Variants in ST18 observed in about 807,000 individuals in gnomAD.
The protein encoded by ST18 is suppression of tumorigenicity 18 protein.
In ST18, 50 loss-of-function variants were observed where a neutral mutation model predicts 110.0. The observed-to-expected ratio is 0.45, with a 90% CI of 0.36 to 0.58. ST18 has a LOEUF of 0.58. Among genes scored for constraint, ST18 ranks in the 20% least tolerant of loss-of-function variants. The probability of loss-of-function intolerance (pLI) is 0.00; values close to 1 mark genes in which losing one functional copy is unlikely to be tolerated. For missense variants in ST18, 1,306 were observed against 1,280.1 expected, an observed-to-expected ratio of 1.02 and a Z score of -0.31; for synonymous variants, 461 against 452.4, an observed-to-expected ratio of 1.02 and a Z score of -0.24.
Position 52,110,989 on chromosome 8 carries a change from T to A in ST18, c.*2209A>T, listed in dbSNP as rs964614125. ...AAAAATGCATACATCATTGCCTTTT[T>A]GTTTACAAAAGACCCAATTTACAGT... is the stretch of plus-strand genomic sequence containing the variant. On this transcript the variant is annotated 3_prime_UTR_variant, in exon 26 of 26. Coordinates refer to ENST00000689386, the MANE Select transcript of ST18 (RefSeq NM_001352837.2). The A allele has an allele frequency of 1.3e-5, 5 of 398,684 alleles. No individual in the cohort carries two copies. Among genetic ancestry groups the A allele is most frequent in the African/African-American group, 1.0e-4 (5 of 48,622 alleles). 24.7% of individuals were successfully genotyped at this position (398,684 alleles called of 1,614,324 possible). A position where few individuals can be genotyped will look rare whatever the true frequency, so the allele number is the denominator to read the frequency against.
chr8:52,258,466 G>A (rs917050739), intron 2 of ST18, among the ~76,000 whole-genome samples: 1 of 151,952 alleles, frequency 6.6e-6, no homozygotes, highest in African/African-American at 2.4e-5. Context: ...AATTTTTTAT[G>A]GTGTTCAGAG....
intron 2 of ST18, among the ~76,000 whole-genome samples, chr8:52,264,382 T>C (rs1158284009): frequency 2.6e-5 from 4 of 152,184 alleles, no homozygotes; most frequent in Non-Finnish European, 5.9e-5. Flanking sequence ...AATTAAAACA[T>C]TTCTCTAAGA....
chr8:52,309,520 CAAAAA>C (rs756214451), intron 2 of ST18, among the ~76,000 whole-genome samples: 9 of 37,764 alleles, frequency 2.4e-4, no homozygotes, highest in African/African-American at 7.7e-4. Flanking sequence ...GACTCCATCT[CAAAAA>C]AAAAAAAAAA....
chr8:52,371,017 A>G (rs1004684459), intron 2 of ST18, among the ~76,000 whole-genome samples: 2 of 152,222 alleles, frequency 1.3e-5, no homozygotes, highest in African/African-American at 2.4e-5. Context: ...ATACAACACT[A>G]GACAACACTT....
At chr8:52,408,693 A>C (rs1176463569) in intron 2 of ST18, among the ~76,000 whole-genome samples, 2 of 152,332 alleles carry the variant, frequency 1.3e-5, no homozygotes, top group African/African-American at 2.4e-5. Context: ...AAAGTCCAAA[A>C]TAATGTTCAT....
intron 18 of ST18, among the ~76,000 whole-genome samples, chr8:52,136,883 T>G (rs181590381): frequency 1.1e-4 from 16 of 152,272 alleles, no homozygotes; most frequent in Admixed American, 6.5e-4. Context: ...ATGAATGACT[T>G]TAGCCCAATG....
intron 2 of ST18, among the ~76,000 whole-genome samples, chr8:52,360,215 T>C (rs746913709): frequency 2.0e-5 from 3 of 152,110 alleles, no homozygotes; most frequent in Non-Finnish European, 2.9e-5. Flanking sequence ...CATACCTACA[T>C]AGATCAGGCT....
At chr8:52,277,045 G>T (rs561032370) in intron 2 of ST18, among the ~76,000 whole-genome samples, 1 of 152,294 alleles carries the variant, frequency 6.6e-6, no homozygotes, top group South Asian at 2.1e-4. Context: ...GGGATTATAG[G>T]CATGAGCCAC....
At chr8:52,232,708 G>T (rs2091761468) in intron 2 of ST18, among the ~76,000 whole-genome samples, 1 of 151,738 alleles carries the variant, frequency 6.6e-6, no homozygotes, top group Non-Finnish European at 1.5e-5. Context: ...CTTTTACAAG[G>T]GTATTTTGCA....
intron 8 of ST18, among the ~76,000 whole-genome samples, chr8:52,204,164 T>C (rs1382198083): frequency 6.6e-6 from 1 of 152,196 alleles, no homozygotes; most frequent in Admixed American, 6.5e-5. Flanking sequence ...TTTGGACATT[T>C]GTTCTGTATT....
At chr8:52,198,677 CTA>C (rs1174367805) in intron 8 of ST18, among the ~76,000 whole-genome samples, 3 of 152,162 alleles carry the variant, frequency 2.0e-5, no homozygotes, top group African/African-American at 4.8e-5. Flanking sequence ...TGTAATATCT[CTA>C]TGTGTGAGTG....
rs76748029 is a variant in ST18, at chr8:52,138,920, T to C, written c.2169-1437A>G. On this transcript the variant is annotated intron_variant, in intron 17 of 25. Transcript: ENST00000689386. Reference sequence around the variant, plus strand: ...CGCTATTCCTATATTTTCTGAGTTATCACTTTCTAAGTATTTTTCTTCCTG... The same window carrying C: ...CGCTATTCCTATATTTTCTGAGTTACCACTTTCTAAGTATTTTTCTTCCTG... Among the ~76,000 whole-genome samples the C allele has an allele frequency of 2.1e-3, 324 of 152,320 alleles. 1 individual carries two copies. The highest frequency in any genetic ancestry group is 7.5e-3 in the African/African-American group (313 of 41,562).
chr8:52,336,330 C>T (rs1040377943), intron 2 of ST18, among the ~76,000 whole-genome samples: 5 of 151,942 alleles, frequency 3.3e-5, no homozygotes, highest in African/African-American at 1.2e-4. Context: ...TTTCTATTTG[C>T]AGTAGAGATG....
At chr8:52,300,801 C>T (rs79893056) in intron 2 of ST18, among the ~76,000 whole-genome samples, 12,982 of 152,160 alleles carry the variant, frequency 0.085, 593 homozygotes, top group East Asian at 0.13. Flanking sequence ...GCCCACAGAG[C>T]CTAATATTTA....
chr8:52,119,873 G>C (rs1239021414), intron 23 of ST18, among the ~76,000 whole-genome samples: 2 of 152,216 alleles, frequency 1.3e-5, no homozygotes, highest in Non-Finnish European at 2.9e-5. Flanking sequence ...CCAATGAAGA[G>C]AGTGTGTCAT....
intron 23 of ST18, among the ~76,000 whole-genome samples, chr8:52,121,197 C>T (rs2044649506): frequency 6.6e-6 from 1 of 152,138 alleles, no homozygotes; most frequent in Non-Finnish European, 1.5e-5. Flanking sequence ...GCCTCTTAAT[C>T]AAGATGGGGC....
At chr8:52,347,086 G>A (rs898218908) in intron 2 of ST18, among the ~76,000 whole-genome samples, 2 of 152,216 alleles carry the variant, frequency 1.3e-5, no homozygotes, top group African/African-American at 4.8e-5. Flanking sequence ...CAGAGCATTG[G>A]GCACAGGAAG....
At chr8:52,173,109 T>C (rs7837254) in intron 9 of ST18, among the ~76,000 whole-genome samples, 25,324 of 152,172 alleles carry the variant, frequency 0.17, 5,049 homozygotes, top group African/African-American at 0.48. Flanking sequence ...TAGCTTTCCA[T>C]ACTTTCAGAT....
chr8:52,362,471 C>T (rs1826124428), intron 2 of ST18, among the ~76,000 whole-genome samples: 1 of 152,100 alleles, frequency 6.6e-6, no homozygotes, highest in South Asian at 2.1e-4. Flanking sequence ...TTCTCTTTGC[C>T]TAGATTTTCT....
Sources: allele counts gnomAD v4.1 joint callset (sites outside exome capture counted in the v4.1 genomes callset), GRCh38; gene constraint gnomAD v4.1.1; transcripts MANE v1.5; gene names NCBI Gene and HGNC (gene_info 2026-07-23, HGNC 2026-07-21).